The following ADAMTS20 variants were observed in gnomAD, a reference collection of about 807,000 sequenced individuals.
The protein encoded by ADAMTS20 is ADAM metallopeptidase with thrombospondin type 1 motif 20.
A neutral mutation model predicts 260.1 loss-of-function variants in ADAMTS20; 225 were observed. The ratio of observed to expected loss-of-function variants is 0.87; its 90% CI spans 0.78 to 0.97. The LOEUF is 0.97. ADAMTS20 is among the 50% of genes least tolerant of loss of function. The pLI is 0.00. For synonymous variants in ADAMTS20, 802 were observed against 769.5 expected (o/e 1.04, Z -0.70); for missense variants, 2,400 against 2,337.7 (o/e 1.03, Z -0.55).
intron 2 of ADAMTS20, among the ~76,000 whole-genome samples, chr12:43,536,640 G>A (rs1943299380): frequency 6.6e-6 from 1 of 152,188 alleles, no homozygotes; most frequent in Non-Finnish European, 1.5e-5. Context: ...CCACATAGAA[G>A]GGAATATTCC....
intron 28 of ADAMTS20, chr12:43,423,802 T>A: frequency 2.8e-6 from 2 of 703,474 alleles, no homozygotes; most frequent in East Asian, 2.7e-5. Context: ...TAGGATATAG[T>A]AGATGGTCAG....
chr12:43,547,871 C>T (rs1018046113), intron 2 of ADAMTS20, among the ~76,000 whole-genome samples: 2 of 152,112 alleles, frequency 1.3e-5, no homozygotes, highest in African/African-American at 4.8e-5. Context: ...AGTTCTCAGG[C>T]CCAGAAATCA....
intron 6 of ADAMTS20, among the ~76,000 whole-genome samples, chr12:43,491,978 A>AC (rs1363002686): frequency 1.3e-5 from 2 of 152,236 alleles, no homozygotes; most frequent in African/African-American, 2.4e-5. Flanking sequence ...AATTTCCTAG[A>AC]GAACTAACTA....
At chr12:43,471,038 A>T (rs1440098276) in intron 7 of ADAMTS20, among the ~76,000 whole-genome samples, 2 of 152,158 alleles carry the variant, frequency 1.3e-5, no homozygotes, top group Non-Finnish European at 2.9e-5. Context: ...TGAGCGACGC[A>T]GAAGACGGGT....
At chr12:43,381,257 C>T (rs565797499) in intron 31 of ADAMTS20, among the ~76,000 whole-genome samples, 6 of 152,082 alleles carry the variant, frequency 3.9e-5, no homozygotes, top group South Asian at 2.1e-4. Flanking sequence ...ATTATAAAAG[C>T]CTACAAAGAA....
Position 43,397,708 on chromosome 12 carries a change from T to C in ADAMTS20, c.4452+1358A>G, listed in dbSNP as rs544344427. On this transcript the variant is annotated intron_variant, in intron 29 of 38. Transcript: ENST00000389420. ...GGTAAAGCATGAAAAATAATTGATT[T>C]ATTTGATGAACATTCAATATAGAAG... Among the ~76,000 whole-genome samples the C allele has an allele frequency of 3.9e-5, 6 of 152,330 alleles. 1 individual carries two copies. In the South Asian group the frequency reaches 1.0e-3, roughly 26 times the overall value.
chr12:43,375,357 A>G (rs374530394), intron 36 of ADAMTS20, 22 bp downstream of exon 36: 4 of 1,602,272 alleles, frequency 2.5e-6, no homozygotes, highest in Non-Finnish European at 3.4e-6. Flanking sequence ...TTTTGATTTT[A>G]AAATATAGAT....
chr12:43,443,768 T>C, intron 16 of ADAMTS20, 23 bp downstream of exon 16: 2 of 1,586,974 alleles, frequency 1.3e-6, no homozygotes, highest in South Asian at 1.1e-5. Context: ...ACATACTGGC[T>C]GTTGTTTACG....
intron 3 of ADAMTS20, among the ~76,000 whole-genome samples, chr12:43,525,701 C>T (rs1230088481): frequency 6.6e-6 from 1 of 151,890 alleles, no homozygotes; most frequent in African/African-American, 2.4e-5. Flanking sequence ...CAAATGGAAA[C>T]CAAAAGTGAG....
chr12:43,498,619 A>G (rs2137440438), intron 4 of ADAMTS20, among the ~76,000 whole-genome samples: 1 of 152,314 alleles, frequency 6.6e-6, no homozygotes, highest in East Asian at 1.9e-4. Context: ...AGTATGCAAA[A>G]CCTGAACAGC....
At chr12:43,414,993 C>T (rs146407372) in intron 28 of ADAMTS20, among the ~76,000 whole-genome samples, 1 of 152,164 alleles carries the variant, frequency 6.6e-6, no homozygotes, top group Non-Finnish European at 1.5e-5. Flanking sequence ...AGAAGTCATA[C>T]AAGTTATATA....
intron 11 of ADAMTS20, among the ~76,000 whole-genome samples, chr12:43,462,401 T>C (rs1942078909): frequency 6.6e-6 from 1 of 152,188 alleles, no homozygotes; most frequent in Admixed American, 6.5e-5. Flanking sequence ...TTCATGACTG[T>C]TGGAATAATA....
intron 2 of ADAMTS20, among the ~76,000 whole-genome samples, chr12:43,545,918 C>G (rs535978491): frequency 1.3e-5 from 2 of 152,250 alleles, no homozygotes; most frequent in Admixed American, 1.3e-4. Context: ...TGGACTAACA[C>G]ACACTAGAAT....
chr12:43,382,885 GAC>G lies in ADAMTS20; in HGVS notation c.4797+671_4797+672del, dbSNP rs148915975. Among the ~76,000 whole-genome samples the G allele has an allele frequency of 4.9e-3, 740 of 151,950 alleles. 8 individuals carry two copies. Among genetic ancestry groups the G allele is most frequent in the African/African-American group, 0.016 (670 of 41,482 alleles). Reference sequence around the variant, plus strand: ...GAAAGAAAAGAAAAGCAAATGTAAAGACATCTATATAATGGAATATTATTCAA... The same window carrying G: ...GAAAGAAAAGAAAAGCAAATGTAAAGATCTATATAATGGAATATTATTCAA... On this transcript the variant is annotated intron_variant, in intron 31 of 38. Coordinates refer to ENST00000389420, the MANE Select transcript of ADAMTS20 (RefSeq NM_025003.5).
chr12:43,540,449 T>G (rs1017215861), intron 2 of ADAMTS20, among the ~76,000 whole-genome samples: 1 of 152,188 alleles, frequency 6.6e-6, no homozygotes, highest in African/African-American at 2.4e-5. Flanking sequence ...GGATAAATAC[T>G]TGTCCTTTTT....
intron 37 of ADAMTS20, among the ~76,000 whole-genome samples, chr12:43,357,838 C>T (rs1487179338): frequency 2.0e-5 from 3 of 152,032 alleles, no homozygotes; most frequent in Non-Finnish European, 4.4e-5. Context: ...AGTAAATACA[C>T]AAATACATAT....
At chr12:43,373,970 C>T (rs1324041074) in intron 36 of ADAMTS20, among the ~76,000 whole-genome samples, 5 of 151,868 alleles carry the variant, frequency 3.3e-5, no homozygotes, top group Non-Finnish European at 7.4e-5. Context: ...TGAGTCACCG[C>T]GCCCGGCCGA....
chr12:43,378,398 T>C (rs1435090248), intron 31 of ADAMTS20, among the ~76,000 whole-genome samples: 2 of 152,178 alleles, frequency 1.3e-5, no homozygotes, highest in African/African-American at 4.8e-5. Flanking sequence ...TCTCTAATGA[T>C]CACACAGAAC....
intron 29 of ADAMTS20, among the ~76,000 whole-genome samples, chr12:43,388,438 C>T (rs1940530540): frequency 1.3e-5 from 2 of 152,192 alleles, no homozygotes; most frequent in South Asian, 4.1e-4. Flanking sequence ...ATTGGTCTCA[C>T]TAGAAGCTGC....
Sources: allele counts gnomAD v4.1 joint callset (sites outside exome capture counted in the v4.1 genomes callset), GRCh38; gene constraint gnomAD v4.1.1; transcripts MANE v1.5; gene names NCBI Gene and HGNC (gene_info 2026-07-23, HGNC 2026-07-21).